Variants in RFPL2 observed in about 807,000 individuals in gnomAD.
The protein encoded by RFPL2 is ret finger protein-like 2.
In RFPL2, 13 loss-of-function variants were observed where a neutral mutation model predicts 17.8. The observed-to-expected ratio is 0.73, with a 90% confidence interval of 0.47 to 1.16. RFPL2 has a LOEUF of 1.16. Among genes scored for constraint, RFPL2 ranks in the 50% most tolerant of loss-of-function variants. The pLI is 0.00. For synonymous variants in RFPL2, 189 were observed against 180.9 expected, an observed-to-expected ratio of 1.04 and a Z score of -0.36; for missense variants, 431 against 479.3, an observed-to-expected ratio of 0.90 and a Z score of 0.94.
intron 4 of RFPL2, 67 bp downstream of exon 4, chr22:32,192,835 G>A (rs1271170279): frequency 2.6e-6 from 4 of 1,531,850 alleles, no homozygotes; most frequent in Non-Finnish European, 2.6e-6. Context: ...GGAATGAGGG[G>A]CCAACTGCAC....
intron 4 of RFPL2, among the ~76,000 whole-genome samples, chr22:32,191,648 C>T (rs1440225663): frequency 2.0e-5 from 3 of 152,108 alleles, no homozygotes; most frequent in East Asian, 3.9e-4. Flanking sequence ...AGACACCATG[C>T]CCCCCTTTCT....
Position 32,193,064 on chromosome 22 carries a change from G to T in RFPL2, c.394C>A (p.Pro132Thr), listed in dbSNP as rs1922873040. The T allele has an allele frequency of 6.2e-7, 1 of 1,613,958 alleles. No individual in the cohort carries two copies. The highest frequency in any genetic ancestry group is 8.5e-7 in the Non-Finnish European group (1 of 1,179,864). ...CAGCAAAGTAGATCCTCCCCATGGG[G>T]CTCCTTCTGCAGTGAATTAATGCAC... ...LKCINSLQKE[P>T]HGEDLLCCCS... Residue 132 changes from proline to threonine, a missense_variant, in exon 4 of 5, where the codon CCC becomes ACC. By Grantham distance (38) the Pro-to-Thr change is conservative. Coordinates refer to ENST00000652607, the MANE Select transcript of RFPL2 (RefSeq NM_001394555.1).
chr22:32,194,369 C>T lies in RFPL2; in HGVS notation c.241G>A (p.Asp81Asn). Residue 81 changes from aspartate (D) to asparagine (N), a missense_variant, in exon 3 of 5, where the codon GAC (aspartate) becomes AAC (asparagine). Physicochemically the swap from Asp to Asn is conservative, Grantham distance 23 (BLOSUM62 1). Coordinates refer to ENST00000652607, the MANE Select transcript of RFPL2 (RefSeq NM_001394555.1). ...CCTCTTCTGCTGGAAGCTCCTCTGT[C>T]CTCCAGCTGCTTCCACTGGGCGCTC... ...DLSAQWKQLE[D>N]RGASSRRVDM... The T allele has an allele frequency of 6.2e-7, 1 of 1,604,396 alleles. No individual in the cohort carries two copies. Among genetic ancestry groups the T allele is most frequent in the South Asian group, 1.1e-5 (1 of 89,072 alleles).
intron 2 of RFPL2, among the ~76,000 whole-genome samples, chr22:32,197,451 A>T (rs188420810): frequency 5.4e-4 from 81 of 151,278 alleles, no homozygotes; most frequent in African/African-American, 1.9e-3. Flanking sequence ...TCTGGGGTGC[A>T]TGCGCACAAC....
At position 32,191,266 on chromosome 22, in the gene RFPL2, G is replaced by C. The variant is rs1402611749; in HGVS notation, c.643C>G (p.Gln215Glu). 6.2e-7 allele frequency: 1 copy of C among 1,613,970 alleles called. No individual in the cohort carries two copies. Among genetic ancestry groups the C allele is most frequent in the South Asian group, 1.1e-5 (1 of 91,076 alleles). ...CTCTCGGCAAGGTCTTGCCGATTCT[G>C]TCTGATGCGCCCACTTCGGACGCTC... ...LRSVRSGRIRQNRQDLAERFD... is the reference protein window; with the variant it reads ...LRSVRSGRIRENRQDLAERFD... Residue 215 changes from glutamine to glutamate, a missense_variant, in exon 5 of 5, where the codon CAG (glutamine) becomes GAG (glutamate). Coordinates refer to ENST00000652607, the MANE Select transcript of RFPL2 (RefSeq NM_001394555.1).
chr22:32,194,690 A>C (rs1028872771), intron 2 of RFPL2, among the ~76,000 whole-genome samples, 200 bp from the exon 3 acceptor site: 1 of 152,240 alleles, frequency 6.6e-6, no homozygotes, highest in African/African-American at 2.4e-5. Context: ...GTTGTCAGTA[A>C]AGATAATTCC....
Position 32,202,402 on chromosome 22 carries a change from C to T in RFPL2, c.50G>A (p.Arg17Lys). 1 of 1,605,116 alleles carries T rather than the reference C, an allele frequency of 6.2e-7. No homozygotes were observed. The highest frequency in any genetic ancestry group is 8.5e-7 in the Non-Finnish European group (1 of 1,175,928). ...ACACAATACAGCACATAGACAGATC[C>T]TGGATTGGGACACTGCAGTCTCTGG... ...GFPETAVSQS[R>K]ICLCAVLCGH... The change falls in exon 2 of 5, where the codon AGG becomes AAG. Residue 17 changes from arginine (R) to lysine (K), a missense_variant. Transcript: ENST00000652607.
chr22:32,194,906 G>A (rs1923157438), intron 2 of RFPL2, among the ~76,000 whole-genome samples: 1 of 152,022 alleles, frequency 6.6e-6, no homozygotes, highest in African/African-American at 2.4e-5. Flanking sequence ...TAATTCATAG[G>A]AAAAAATTAG....
chr22:32,202,075 C>T (rs1212526927), intron 2 of RFPL2, among the ~76,000 whole-genome samples: 1 of 152,168 alleles, frequency 6.6e-6, no homozygotes, highest in Non-Finnish European at 1.5e-5. Context: ...ATTTCCAGAA[C>T]TTTTCCAGCT....
rs527730261 is a variant in RFPL2 at position 32,202,968 on chromosome 22, G to C, written c.-99-418C>G. On this transcript the variant is annotated intron_variant, in intron 1 of 4. Coordinates refer to ENST00000652607, the MANE Select transcript of RFPL2 (RefSeq NM_001394555.1). ...AGGCGGGTCCAGGAAGCACCACGGG[G>C]CTGGGGCCCCTGCCGCGCTCAGGAA... 1.2e-4 allele frequency: 114 copies of C among 985,964 alleles called. No homozygotes were observed. In the African/African-American group the frequency reaches 1.9e-3, roughly 16 times the overall value. The allele number at this position is 985,964 out of a possible 1,614,324, so 61.1% of individuals were successfully genotyped here.
At chr22:32,200,524 C>G (rs1923808731) in intron 2 of RFPL2, among the ~76,000 whole-genome samples, 1 of 152,140 alleles carries the variant, frequency 6.6e-6, no homozygotes, top group African/African-American at 2.4e-5. Context: ...CCTGGGGAAA[C>G]AGGCCAGGCC....
intron 2 of RFPL2, among the ~76,000 whole-genome samples, chr22:32,195,125 G>A (rs1362895114): frequency 6.6e-6 from 1 of 152,180 alleles, no homozygotes; most frequent in African/African-American, 2.4e-5. Context: ...TTTCTGTGTA[G>A]TGGGATCTTT....
intron 1 of RFPL2, chr22:32,203,085 G>A: frequency 1.0e-6 from 1 of 985,704 alleles, no homozygotes; most frequent in Non-Finnish European, 1.2e-6. Flanking sequence ...CGCTGTCACT[G>A]ACACCTCCAC....
intron 3 of RFPL2, 53 bp downstream of exon 3, chr22:32,194,292 C>G (rs559350616): frequency 1.3e-6 from 2 of 1,575,604 alleles, no homozygotes; most frequent in East Asian, 2.3e-5. Context: ...CAAGTCATAA[C>G]CCCCATTTCT....
intron 2 of RFPL2, 133 bp from the exon 3 acceptor site, chr22:32,194,623 A>G (rs1189380575): frequency 8.9e-6 from 8 of 894,270 alleles, no homozygotes; most frequent in African/African-American, 5.1e-5. Flanking sequence ...TTGCCTTTAT[A>G]TTAAATTAGG....
At chr22:32,193,287 T>A (rs376856567) in intron 3 of RFPL2, 95 bp from the exon 4 acceptor site, 54 of 1,605,746 alleles carry the variant, frequency 3.4e-5, no homozygotes, top group East Asian at 2.9e-4. Flanking sequence ...ATAGAGGTAT[T>A]GTGTTCCAGC....
intron 2 of RFPL2, among the ~76,000 whole-genome samples, chr22:32,195,630 T>G (rs538488274): frequency 1.3e-5 from 2 of 151,888 alleles, no homozygotes; most frequent in Admixed American, 1.3e-4. Context: ...TAATTTTTTT[T>G]TTTTTTTAGT....
chr22:32,192,807 A>G (rs1922821428), intron 4 of RFPL2, 95 bp downstream of exon 4: 1 of 1,478,370 alleles, frequency 6.8e-7, no homozygotes, highest in African/African-American at 1.4e-5. Context: ...GGTGCCAGAC[A>G]GCAGCTAATC....
intron 4 of RFPL2, 98 bp from the exon 5 acceptor site, chr22:32,191,450 C>A: frequency 7.1e-7 from 1 of 1,416,824 alleles, no homozygotes; most frequent in Admixed American, 2.4e-5. Context: ...ACTTTAGTTT[C>A]TTTAATTCTC....
Sources: allele counts gnomAD v4.1 joint callset (sites outside exome capture counted in the v4.1 genomes callset), GRCh38; gene constraint gnomAD v4.1.1; transcripts MANE v1.5; gene names NCBI Gene and HGNC (gene_info 2026-07-23, HGNC 2026-07-21).